Variants in TXNRD1 observed in about 807,000 individuals in gnomAD.
TXNRD1 encodes the protein thioredoxin reductase 1, cytoplasmic.
TXNRD1 carries 57 observed loss-of-function variants against 80.3 expected under a neutral mutation model. The observed-to-expected ratio is 0.71, with a 90% CI of 0.57 to 0.89. The LOEUF (loss-of-function observed/expected upper bound fraction) is 0.89, where lower values mean the gene tolerates loss of function less well. TXNRD1 is among the 40% of genes least tolerant of loss of function. The pLI, the probability that TXNRD1 is intolerant of heterozygous loss-of-function variation, is 0.00. For missense variants in TXNRD1, 730 were observed against 803.0 expected (o/e 0.91, Z 1.10); for synonymous variants, 291 against 285.2 (o/e 1.02, Z -0.20).
chr12:104,263,260 AG>A (rs1053038680), intron 3 of TXNRD1, among the ~76,000 whole-genome samples: 2 of 152,258 alleles, frequency 1.3e-5, no homozygotes, highest in Non-Finnish European at 2.9e-5. Flanking sequence ...ATAAAAACAT[AG>A]TAAAGTATTA....
chr12:104,286,673 G>C, intron 3 of TXNRD1: 1 of 976,918 alleles, frequency 1.0e-6, no homozygotes, highest in Non-Finnish European at 1.2e-6. Flanking sequence ...CCAGGCACCA[G>C]GATTCTAAAG....
chr12:104,330,395 G>A lies in TXNRD1; in HGVS notation c.1543-1139G>A, dbSNP rs1260714683. Reference sequence around the variant, plus strand: ...GGAACTCATTTATTTGCTTAATCCAGTTCTTTACAAGTTCATTTGACTATG... The same window carrying A: ...GGAACTCATTTATTTGCTTAATCCAATTCTTTACAAGTTCATTTGACTATG... On this transcript the variant is annotated intron_variant, in intron 13 of 16. Transcript: ENST00000525566. Among the ~76,000 whole-genome samples, 4 of 152,154 alleles carry A rather than the reference G, an allele frequency of 2.6e-5. No individual in the cohort carries two copies. In the East Asian group the frequency reaches 7.7e-4, roughly 29 times the overall value.
chr12:104,253,627 AC>A (rs2033177863), intron 2 of TXNRD1, among the ~76,000 whole-genome samples: 1 of 151,606 alleles, frequency 6.6e-6, no homozygotes, highest in Admixed American at 6.6e-5. Flanking sequence ...CCTCCCCCGC[AC>A]CGCCTGCCAC....
chr12:104,320,952 TTA>T, intron 9 of TXNRD1, 137 bp from the exon 10 acceptor site: 1 of 664,614 alleles, frequency 1.5e-6, no homozygotes, highest in Non-Finnish European at 2.6e-6. Flanking sequence ...TTCTCATGTA[TTA>T]TGTGTGTAGC....
chr12:104,281,399 C>CAT (rs1272324757), intron 3 of TXNRD1, among the ~76,000 whole-genome samples: 13 of 73,638 alleles, frequency 1.8e-4, no homozygotes, highest in African/African-American at 7.7e-4. Context: ...CATATCTCCA[C>CAT]TTTTTTTTTT....
intron 16 of TXNRD1, among the ~76,000 whole-genome samples, chr12:104,340,578 C>G (rs1047740856): frequency 1.3e-5 from 2 of 152,180 alleles, no homozygotes; most frequent in Non-Finnish European, 2.9e-5. Context: ...CAATGGCAAT[C>G]CTTGGCGTTC....
At chr12:104,232,550 G>A (rs529370934) in intron 1 of TXNRD1, among the ~76,000 whole-genome samples, 27 of 151,806 alleles carry the variant, frequency 1.8e-4, no homozygotes, top group African/African-American at 5.3e-4. Context: ...GACAGAGCGA[G>A]ACACCACCTG....
intron 3 of TXNRD1, among the ~76,000 whole-genome samples, chr12:104,282,273 G>C (rs2033894744): frequency 6.6e-6 from 1 of 152,208 alleles, no homozygotes; most frequent in Non-Finnish European, 1.5e-5. Flanking sequence ...AGTTCTCTTA[G>C]CATTTATAGA....
At chr12:104,275,080 A>C (rs529439052) in intron 3 of TXNRD1, among the ~76,000 whole-genome samples, 1 of 152,112 alleles carries the variant, frequency 6.6e-6, no homozygotes, top group African/African-American at 2.4e-5. Flanking sequence ...GAGGTTTTTC[A>C]TGTTCCTTTC....
intron 15 of TXNRD1, among the ~76,000 whole-genome samples, chr12:104,337,083 G>A (rs990459351): frequency 9.2e-5 from 14 of 151,948 alleles, no homozygotes; most frequent in Non-Finnish European, 1.2e-4. Context: ...TTTAATTGCA[G>A]GTGGCATCCT....
chr12:104,234,370 C>T (rs1484273196), intron 1 of TXNRD1, among the ~76,000 whole-genome samples: 1 of 152,196 alleles, frequency 6.6e-6, no homozygotes, highest in Non-Finnish European at 1.5e-5. Flanking sequence ...TCTCAGCTCA[C>T]TGCAACCTCT....
intron 5 of TXNRD1, 62 bp from the exon 6 acceptor site, chr12:104,313,183 C>A: frequency 1.5e-6 from 2 of 1,326,030 alleles, no homozygotes; most frequent in Non-Finnish European, 2.1e-6. Flanking sequence ...GGATTTTTAA[C>A]AGCCCATTTC....
intron 3 of TXNRD1, among the ~76,000 whole-genome samples, chr12:104,264,400 G>GA (rs1278238298): frequency 1.3e-5 from 2 of 152,324 alleles, no homozygotes; most frequent in East Asian, 3.9e-4. Flanking sequence ...GTTAAGAGTT[G>GA]AAAAGTAAAG....
At chr12:104,304,233 G>A (rs1235642185) in intron 4 of TXNRD1, 1 of 1,614,044 alleles carries the variant, frequency 6.2e-7, no homozygotes, top group Admixed American at 1.7e-5. Flanking sequence ...TCTGATTTGG[G>A]TAAAGAAAAG....
At chr12:104,330,044 G>T (rs2035896881) in intron 13 of TXNRD1, among the ~76,000 whole-genome samples, 1 of 152,174 alleles carries the variant, frequency 6.6e-6, no homozygotes, top group Non-Finnish European at 1.5e-5. Context: ...GGTAAATGTG[G>T]TCCCTGATAC....
At chr12:104,221,290 G>T (rs2032351939) in intron 1 of TXNRD1, among the ~76,000 whole-genome samples, 1 of 152,000 alleles carries the variant, frequency 6.6e-6, no homozygotes, top group Non-Finnish European at 1.5e-5. Context: ...TCTACCTGTT[G>T]GGTTTTTCGT....
intron 1 of TXNRD1, among the ~76,000 whole-genome samples, chr12:104,243,700 G>A (rs11111946): frequency 0.076 from 11,579 of 152,254 alleles, 574 homozygotes; most frequent in Middle Eastern, 0.17. Flanking sequence ...ATATGTGCAT[G>A]ACAAACCTGT....
intron 16 of TXNRD1, among the ~76,000 whole-genome samples, chr12:104,341,257 G>A (rs73398415): frequency 0.012 from 1,899 of 152,306 alleles, 43 homozygotes; most frequent in African/African-American, 0.044. Flanking sequence ...GAGGCTGAAT[G>A]TTCTGGTGCT....
chr12:104,251,643 A>T lies in TXNRD1; in HGVS notation c.208A>T (p.Ile70Phe). Reference sequence around the variant, plus strand: ...CTATATAGATGGTCACTCTGTGGTCATCTTCAGTAGGTCCACATGCACACG... The same window carrying T: ...CTATATAGATGGTCACTCTGTGGTCTTCTTCAGTAGGTCCACATGCACACG... Reference protein sequence around the residue: ...QAYIDGHSVVIFSRSTCTRCT... With the variant: ...QAYIDGHSVVFFSRSTCTRCT... The change falls in exon 2 of 17, where the codon ATC becomes TTC. Residue 70 changes from isoleucine (I) to phenylalanine (F), a missense_variant. Coordinates refer to ENST00000525566, the MANE Select transcript of TXNRD1 (RefSeq NM_001093771.3). 6.2e-7 allele frequency: 1 copy of T among 1,613,976 alleles called. No homozygotes were observed. The highest frequency in any genetic ancestry group is 8.5e-7 in the Non-Finnish European group (1 of 1,179,844).
Sources: gnomAD v4.1 joint callset for allele counts (sites outside exome capture counted in the v4.1 genomes callset) on GRCh38, gnomAD v4.1.1 for gene constraint, MANE v1.5 for transcripts, NCBI Gene and HGNC (gene_info 2026-07-23, HGNC 2026-07-21) for gene names.